The following MGLL variants were observed in gnomAD, a reference collection of about 807,000 sequenced individuals.
The protein encoded by MGLL is monoglyceride lipase, also known as lysophospholipase homolog.
In MGLL, 7 loss-of-function variants were observed where a neutral mutation model predicts 29.1. That is an observed-to-expected ratio of 0.24 (90% confidence interval 0.14 to 0.45). MGLL has a LOEUF of 0.45. Ranked by LOEUF, MGLL falls within the 20% of genes least tolerant of loss-of-function variation. The probability of loss-of-function intolerance (pLI) is 0.99; values close to 1 mark genes in which losing one functional copy is unlikely to be tolerated. For missense variants in MGLL, 356 were observed against 413.6 expected, an observed-to-expected ratio of 0.86 and a Z score of 1.21; for synonymous variants, 148 against 168.3, an observed-to-expected ratio of 0.88 and a Z score of 0.93.
At chr3:127,699,210 A>T (rs769408702) in intron 6 of MGLL, among the ~76,000 whole-genome samples, 7 of 152,150 alleles carry the variant, frequency 4.6e-5, no homozygotes, top group Non-Finnish European at 7.3e-5. Flanking sequence ...GGTCTTCTGA[A>T]TTTCCAGCAC....
intron 4 of MGLL, 95 bp downstream of exon 4, chr3:127,722,335 G>C (rs79066642): frequency 2.1e-5 from 32 of 1,529,856 alleles, no homozygotes; most frequent in Admixed American, 6.7e-5. Flanking sequence ...GCCAGGCAGA[G>C]AGCAGTGGGG....
intron 5 of MGLL, chr3:127,713,396 G>A (rs369127494): frequency 9.4e-6 from 1 of 106,324 alleles, no homozygotes; most frequent in African/African-American, 3.7e-5. Context: ...TGTGTAACGG[G>A]ATGGTGTGCA....
rs2075218094 is a variant in MGLL, at chr3:127,690,228, C to G, written c.*1970G>C. 6.6e-6 allele frequency: 1 copy of G among 152,198 alleles called. No individual in the cohort carries two copies. Among genetic ancestry groups the G allele is most frequent in the African/African-American group, 2.4e-5 (1 of 41,442 alleles). 9.4% of individuals were successfully genotyped at this position (152,198 alleles called of 1,614,324 possible). On this transcript the variant is annotated 3_prime_UTR_variant, in exon 8 of 8. Coordinates refer to ENST00000265052, the MANE Select transcript of MGLL (RefSeq NM_007283.7). ...TCCCATGGCTGCCCTGCTGCCGGGGCTGACTAAGCAGGCGGGGCTGGCTTT... is the reference window on the plus strand; with the variant it reads ...TCCCATGGCTGCCCTGCTGCCGGGGGTGACTAAGCAGGCGGGGCTGGCTTT...
intron 3 of MGLL, among the ~76,000 whole-genome samples, chr3:127,726,189 GA>G (rs71150492): frequency 0.22 from 23,275 of 104,272 alleles, 3,683 homozygotes; most frequent in Middle Eastern, 0.36. Flanking sequence ...AGAAAGAAAA[GA>G]AAAGAAAGAA....
chr3:127,715,081 G>C lies in MGLL; in HGVS notation c.511-4416C>G, dbSNP rs868406789. Among the ~76,000 whole-genome samples, 3 of 152,148 alleles carry C rather than the reference G, an allele frequency of 2.0e-5. No individual in the cohort carries two copies. In the East Asian group the frequency reaches 5.8e-4, roughly 29 times the overall value. On this transcript the variant is annotated intron_variant, in intron 5 of 7. Transcript: ENST00000265052. ...TTCATGTGCGTGGTGAAGTCTCAGG[G>C]GCTGGCAGTGTGTGTGTCCATGAAA...
intron 3 of MGLL, among the ~76,000 whole-genome samples, chr3:127,723,884 G>T (rs1359812545): frequency 1.3e-5 from 2 of 152,112 alleles, no homozygotes; most frequent in Non-Finnish European, 2.9e-5. Flanking sequence ...GACCTTATTT[G>T]AAGACAGGGT....
intron 2 of MGLL, among the ~76,000 whole-genome samples, chr3:127,805,754 C>G (rs570372875): frequency 6.6e-6 from 1 of 152,356 alleles, no homozygotes; most frequent in African/African-American, 2.4e-5. Context: ...GTAGCTGACA[C>G]TGTCTATGGC....
At chr3:127,782,350 T>C (rs2077142403) in intron 2 of MGLL, among the ~76,000 whole-genome samples, 1 of 151,486 alleles carries the variant, frequency 6.6e-6, no homozygotes, top group South Asian at 2.1e-4. Flanking sequence ...ATAAGAGGAG[T>C]TTGCTGTTAA....
At chr3:127,708,636 C>T (rs971971164) in intron 6 of MGLL, among the ~76,000 whole-genome samples, 2 of 152,232 alleles carry the variant, frequency 1.3e-5, no homozygotes, top group Admixed American at 6.5e-5. Flanking sequence ...TGGATTTGCA[C>T]CTGGGTGCTT....
intron 2 of MGLL, among the ~76,000 whole-genome samples, chr3:127,802,163 G>A (rs1576308178): frequency 1.3e-5 from 2 of 152,140 alleles, no homozygotes; most frequent in African/African-American, 2.4e-5. Flanking sequence ...GGGGACATCC[G>A]CTCCATACCA....
Position 127,691,966 on chromosome 3 carries a change from G to C in MGLL, c.*232C>G. 1.0e-5 allele frequency: 6 copies of C among 581,650 alleles called. No homozygotes were observed. The highest frequency in any genetic ancestry group is 1.8e-5 in the Non-Finnish European group (6 of 337,076). The allele number at this position is 581,650 out of a possible 1,614,324, so 36.0% of individuals were successfully genotyped here. A position where few individuals can be genotyped will look rare whatever the true frequency, so the allele number is the denominator to read the frequency against. On this transcript the variant is annotated 3_prime_UTR_variant, in exon 8 of 8. Coordinates refer to ENST00000265052, the MANE Select transcript of MGLL (RefSeq NM_007283.7). ...GCACATTCTTTGTGGAAAATCACCT[G>C]GGACCTTTCTCTTTTTTTGCATAAA...
chr3:127,726,119 G>GGAAAGAAAGAAAGAAAGAAA (rs869029966), intron 3 of MGLL, among the ~76,000 whole-genome samples: 12 of 75,148 alleles, frequency 1.6e-4, no homozygotes, highest in South Asian at 5.0e-4. Context: ...AAAGAAAGCA[G>GGAAAGAAAGAAAGAAAGAAA]GAAAGAAAGA....
intron 2 of MGLL, among the ~76,000 whole-genome samples, chr3:127,784,255 G>C (rs2077176906): frequency 6.6e-6 from 1 of 152,182 alleles, no homozygotes; most frequent in African/African-American, 2.4e-5. Flanking sequence ...CTTTCAAAAA[G>C]GCTGATGCCT....
At chr3:127,802,678 T>C (rs1161353812) in intron 2 of MGLL, among the ~76,000 whole-genome samples, 1 of 152,228 alleles carries the variant, frequency 6.6e-6, no homozygotes, top group Non-Finnish European at 1.5e-5. Context: ...GAACCTTTAT[T>C]AACATGTGCG....
At chr3:127,778,072 G>A (rs536588580) in intron 3 of MGLL, among the ~76,000 whole-genome samples, 25 of 152,312 alleles carry the variant, frequency 1.6e-4, no homozygotes, top group African/African-American at 4.8e-4. Context: ...TGCCACAACC[G>A]CGGCGCCTAG....
At chr3:127,779,548 G>A (rs11925300) in intron 3 of MGLL, among the ~76,000 whole-genome samples, 3,021 of 151,566 alleles carry the variant, frequency 0.02, 101 homozygotes, top group African/African-American at 0.069. Flanking sequence ...GTAATGCAGC[G>A]GCGCAGGACC....
intron 2 of MGLL, among the ~76,000 whole-genome samples, chr3:127,803,366 A>G (rs1363007408): frequency 2.0e-5 from 3 of 152,196 alleles, no homozygotes; most frequent in East Asian, 1.9e-4. Flanking sequence ...GGCCGCCTGA[A>G]GGAACAAGCA....
At chr3:127,809,267 T>C (rs762984453) in intron 2 of MGLL, among the ~76,000 whole-genome samples, 3 of 152,054 alleles carry the variant, frequency 2.0e-5, no homozygotes, top group Non-Finnish European at 4.4e-5. Context: ...CATCACCAAG[T>C]CCTATAGCCA....
chr3:127,728,442 C>T (rs776008567), intron 3 of MGLL, among the ~76,000 whole-genome samples: 29 of 152,202 alleles, frequency 1.9e-4, no homozygotes, highest in Non-Finnish European at 4.0e-4. Context: ...TAGTATGCCA[C>T]ATATCCTACT....
Sources: allele counts gnomAD v4.1 joint callset (sites outside exome capture counted in the v4.1 genomes callset), GRCh38; gene constraint gnomAD v4.1.1; transcripts MANE v1.5; gene names NCBI Gene and HGNC (gene_info 2026-07-23, HGNC 2026-07-21).